Variants in ACTR3C observed in about 807,000 individuals in gnomAD.
ACTR3C encodes the protein actin related protein 3C.
Under a neutral mutation model 26.3 loss-of-function variants are expected in ACTR3C, and 18 were observed. The ratio of observed to expected loss-of-function variants is 0.68; its 90% confidence interval spans 0.47 to 1.01. The LOEUF (loss-of-function observed/expected upper bound fraction) is 1.01. Among genes scored for constraint, ACTR3C ranks in the 50% least tolerant of loss-of-function variants. The pLI, the probability that ACTR3C is intolerant of heterozygous loss-of-function variation, is 0.00. For missense variants in ACTR3C, 184 were observed against 250.7 expected, an observed-to-expected ratio of 0.73 and a Z score of 1.80; for synonymous variants, 55 against 94.5, an observed-to-expected ratio of 0.58 and a Z score of 2.42.
the ACTR3C span, among the ~76,000 whole-genome samples, chr7:150,042,905 G>C: frequency 3.3e-5 from 5 of 150,792 alleles, no homozygotes; most frequent in Admixed American, 2.0e-4. Flanking sequence ...CCAGGGCTGG[G>C]GCTGCCAGAA....
At chr7:149,945,318 A>ACAGGCTGCAGGGTCTTGGTG in the ACTR3C span, among the ~76,000 whole-genome samples, 1 of 118,866 alleles carries the variant, frequency 8.4e-6, no homozygotes, top group East Asian at 2.3e-4. Context: ...TCCATCAGTG[A>ACAGGCTGCAGGGTCTTGGTG]CAACCTCCCA....
the ACTR3C span, among the ~76,000 whole-genome samples, chr7:150,012,752 A>G: frequency 2.7e-5 from 4 of 150,258 alleles, no homozygotes; most frequent in African/African-American, 9.7e-5. Context: ...TAGATCATCA[A>G]TTTGTTGTTA....
chr7:150,212,242 T>C, the ACTR3C span, among the ~76,000 whole-genome samples: 2 of 147,190 alleles, frequency 1.4e-5, no homozygotes, highest in African/African-American at 2.7e-5. Context: ...AGGTGTAAGA[T>C]AATTGAAGTA....
intron 6 of ACTR3C, among the ~76,000 whole-genome samples, chr7:150,279,980 G>C (rs1488975822): frequency 2.0e-5 from 3 of 152,154 alleles, no homozygotes; most frequent in Admixed American, 2.0e-4. Flanking sequence ...AGTACCTCCT[G>C]AATAGAACTG....
At chr7:150,082,346 AT>A in the ACTR3C span, among the ~76,000 whole-genome samples, 1 of 152,022 alleles carries the variant, frequency 6.6e-6, no homozygotes, top group Non-Finnish European at 1.5e-5. Context: ...ACCAGCAGCC[AT>A]TTTTCACCCC....
the ACTR3C span, among the ~76,000 whole-genome samples, chr7:150,185,044 G>A: frequency 3.3e-5 from 5 of 151,456 alleles, no homozygotes; most frequent in East Asian, 9.6e-4. Context: ...CCATAACATT[G>A]GGATTGTCAA....
the ACTR3C span, among the ~76,000 whole-genome samples, chr7:149,971,903 G>T: frequency 6.6e-6 from 1 of 152,206 alleles, no homozygotes; most frequent in African/African-American, 2.4e-5. Flanking sequence ...CTTTTCTTCT[G>T]GCTGTCCTCC....
chr7:150,113,877 T>A, the ACTR3C span, among the ~76,000 whole-genome samples: 1 of 152,184 alleles, frequency 6.6e-6, no homozygotes, highest in Non-Finnish European at 1.5e-5. Flanking sequence ...TTTTTCCTTT[T>A]ATCTCACAGC....
At chr7:150,289,683 CT>C in intron 3 of ACTR3C, 90 bp from the exon 4 acceptor site, 8 of 1,564,194 alleles carry the variant, frequency 5.1e-6, no homozygotes, top group Non-Finnish European at 7.0e-6. Flanking sequence ...CTCAGCCTCC[CT>C]GTCTGCCCCT....
the ACTR3C span, chr7:150,003,123 C>G: frequency 6.6e-6 from 1 of 151,884 alleles, no homozygotes; most frequent in East Asian, 1.9e-4. Context: ...ACAGCCTCAA[C>G]AGAAGTTTGT....
At chr7:149,910,577 C>A in the ACTR3C span, among the ~76,000 whole-genome samples, 8 of 152,088 alleles carry the variant, frequency 5.3e-5, no homozygotes, top group East Asian at 1.4e-3. Context: ...TAGGACTACT[C>A]TAATTAACAG....
the ACTR3C span, among the ~76,000 whole-genome samples, chr7:150,131,787 G>C: frequency 6.6e-5 from 10 of 152,322 alleles, no homozygotes; most frequent in Non-Finnish European, 1.2e-4. Context: ...ACTCATAATA[G>C]CCACAAAGTG....
chr7:149,951,709 T>C, the ACTR3C span, among the ~76,000 whole-genome samples: 1 of 151,844 alleles, frequency 6.6e-6, no homozygotes, highest in Non-Finnish European at 1.5e-5. Context: ...CCACCCAGAT[T>C]ATCTCCCCAT....
At chr7:150,264,006 G>A (rs1026045095) in intron 6 of ACTR3C, among the ~76,000 whole-genome samples, 5 of 152,226 alleles carry the variant, frequency 3.3e-5, no homozygotes, top group Admixed American at 3.3e-4. Context: ...GGCCCTGGCC[G>A]ATGGCAGATC....
At chr7:150,273,509 A>G (rs941846495) in intron 6 of ACTR3C, among the ~76,000 whole-genome samples, 14 of 151,190 alleles carry the variant, frequency 9.3e-5, no homozygotes, top group Non-Finnish European at 1.9e-4. Context: ...GGCTCAAGCA[A>G]TTCTGCCTTG....
chr7:149,936,641 C>A, the ACTR3C span, among the ~76,000 whole-genome samples: 1 of 152,188 alleles, frequency 6.6e-6, no homozygotes, highest in Non-Finnish European at 1.5e-5. Context: ...TCCATTTATA[C>A]ATGATACTTG....
At chr7:150,005,225 C>T in the ACTR3C span, 1 of 152,192 alleles carries the variant, frequency 6.6e-6, no homozygotes, top group East Asian at 1.9e-4. Context: ...ATACAATACA[C>T]AGGTGGGAGA....
the ACTR3C span, among the ~76,000 whole-genome samples, chr7:150,137,252 C>T: frequency 4.0e-4 from 61 of 152,268 alleles, no homozygotes; most frequent in African/African-American, 1.4e-3. Context: ...CTTTTTCCAG[C>T]CACCCTAGGA....
At chr7:150,322,462 C>T (rs965047535) in intron 1 of ACTR3C, among the ~76,000 whole-genome samples, 9 of 152,216 alleles carry the variant, frequency 5.9e-5, no homozygotes, top group Admixed American at 2.0e-4. Flanking sequence ...AATTATAATG[C>T]ATTAGCATGC....
Sources: gnomAD v4.1 joint callset for allele counts (sites outside exome capture counted in the v4.1 genomes callset) on GRCh38, gnomAD v4.1.1 for gene constraint, MANE v1.5 for transcripts, NCBI Gene and HGNC (gene_info 2026-07-23, HGNC 2026-07-21) for gene names.